The following TENM3 variants were observed in gnomAD, a reference collection of about 807,000 sequenced individuals.
TENM3 encodes the protein teneurin transmembrane protein 3.
A neutral mutation model predicts 255.1 loss-of-function variants in TENM3; 63 were observed. The ratio of observed to expected loss-of-function variants is 0.25; its 90% CI spans 0.20 to 0.30. The LOEUF is 0.30. TENM3 is among the 10% of genes least tolerant of loss of function. The probability of loss-of-function intolerance (pLI) is 1.00; values close to 1 mark genes in which losing one functional copy is unlikely to be tolerated. For synonymous variants in TENM3, 1,306 were observed against 1,322.3 expected (o/e 0.99, Z 0.27); for missense variants, 2,929 against 3,461.1 (o/e 0.85, Z 3.86).
At chr4:181,546,664 A>C in the TENM3 span, among the ~76,000 whole-genome samples, 59 of 141,976 alleles carry the variant, frequency 4.2e-4, 2 homozygotes, top group Non-Finnish European at 8.5e-4. Flanking sequence ...CAGCGAGCCG[A>C]GATCGCGCCA....
At chr4:181,883,181 C>T in the TENM3 span, among the ~76,000 whole-genome samples, 3 of 123,218 alleles carry the variant, frequency 2.4e-5, no homozygotes, top group East Asian at 2.2e-4. Context: ...TTTGAAATGA[C>T]GGGTAAAAAA....
chr4:182,579,540 G>T (rs1027788472), intron 3 of TENM3, among the ~76,000 whole-genome samples: 1 of 152,158 alleles, frequency 6.6e-6, no homozygotes, highest in Admixed American at 6.5e-5. Flanking sequence ...CTTGGATTGG[G>T]CAGAGAGTAT....
chr4:181,713,021 G>A, the TENM3 span, among the ~76,000 whole-genome samples: 1 of 152,260 alleles, frequency 6.6e-6, no homozygotes, highest in Non-Finnish European at 1.5e-5. Context: ...ACATTCACAG[G>A]TAAAAAAGGA....
the TENM3 span, among the ~76,000 whole-genome samples, chr4:181,812,252 C>T: frequency 2.0e-5 from 3 of 152,158 alleles, no homozygotes; most frequent in African/African-American, 4.8e-5. Context: ...CCAATATCCT[C>T]GAGTAACACT....
the TENM3 span, among the ~76,000 whole-genome samples, chr4:181,724,415 A>C: frequency 6.6e-6 from 1 of 151,558 alleles, no homozygotes; most frequent in African/African-American, 2.4e-5. Flanking sequence ...CTATCTTCCA[A>C]CTCAAATTAT....
chr4:182,280,074 T>G (rs994128709), intron 1 of TENM3, among the ~76,000 whole-genome samples: 2 of 152,164 alleles, frequency 1.3e-5, no homozygotes, highest in Non-Finnish European at 2.9e-5. Flanking sequence ...AGTGTCCTTT[T>G]CATCACCAGG....
intron 19 of TENM3, 53 bp downstream of exon 19, chr4:182,743,472 A>C: frequency 1.9e-6 from 3 of 1,586,734 alleles, no homozygotes; most frequent in Non-Finnish European, 2.6e-6. Flanking sequence ...TGCCTCTTTA[A>C]AAAAAAGGTT....
At chr4:182,703,790 G>C (rs1478217650) in intron 12 of TENM3, among the ~76,000 whole-genome samples, 1 of 152,152 alleles carries the variant, frequency 6.6e-6, no homozygotes, top group East Asian at 1.9e-4. Flanking sequence ...ATACGTAAAA[G>C]TGTTAGTCTA....
chr4:182,020,980 G>A, the TENM3 span, among the ~76,000 whole-genome samples: 3 of 151,572 alleles, frequency 2.0e-5, no homozygotes, highest in African/African-American at 7.3e-5. Context: ...GAGTACATCT[G>A]CAGGTTTGTT....
chr4:182,454,419 G>A (rs1056094613), intron 3 of TENM3, among the ~76,000 whole-genome samples: 1 of 152,078 alleles, frequency 6.6e-6, no homozygotes, highest in Non-Finnish European at 1.5e-5. Context: ...AGGTGATCAG[G>A]TTAGCTAACC....
intron 1 of TENM3, among the ~76,000 whole-genome samples, chr4:182,227,542 C>A (rs1042502008): frequency 6.6e-6 from 1 of 152,054 alleles, no homozygotes; most frequent in Non-Finnish European, 1.5e-5. Flanking sequence ...TTACTCTCAG[C>A]ACATGGTTTA....
the TENM3 span, among the ~76,000 whole-genome samples, chr4:181,772,227 A>G: frequency 6.6e-6 from 1 of 151,782 alleles, no homozygotes; most frequent in Non-Finnish European, 1.5e-5. Flanking sequence ...AAAATACAAA[A>G]ATTAGCTGGG....
the TENM3 span, among the ~76,000 whole-genome samples, chr4:182,104,099 C>T: frequency 2.6e-5 from 4 of 152,118 alleles, no homozygotes; most frequent in African/African-American, 4.8e-5. Flanking sequence ...GTGTAATATA[C>T]GGTGGTGTAA....
intron 3 of TENM3, among the ~76,000 whole-genome samples, chr4:182,473,332 C>T (rs1413194286): frequency 6.6e-6 from 1 of 152,148 alleles, no homozygotes; most frequent in Non-Finnish European, 1.5e-5. Context: ...ATAATCTGTA[C>T]ACACTTGATC....
the TENM3 span, among the ~76,000 whole-genome samples, chr4:181,582,501 G>T: frequency 6.6e-6 from 1 of 151,998 alleles, no homozygotes; most frequent in Non-Finnish European, 1.5e-5. Flanking sequence ...CCACGGTCTG[G>T]GAAGTAGTGG....
At chr4:181,821,719 T>C in the TENM3 span, 16 of 152,206 alleles carry the variant, frequency 1.1e-4, no homozygotes, top group Non-Finnish European at 2.1e-4. Context: ...CTTGAGGGTC[T>C]ACTATGTGTA....
the TENM3 span, among the ~76,000 whole-genome samples, chr4:181,449,594 G>C: frequency 6.6e-6 from 1 of 152,086 alleles, no homozygotes; most frequent in Non-Finnish European, 1.5e-5. Flanking sequence ...GACCAGCCTG[G>C]CCAATGTAGT....
chr4:182,020,630 A>G, the TENM3 span, among the ~76,000 whole-genome samples: 1 of 152,204 alleles, frequency 6.6e-6, no homozygotes, highest in Non-Finnish European at 1.5e-5. Flanking sequence ...TATACATTAT[A>G]TATATTGCAA....
At chr4:181,602,143 T>C in the TENM3 span, among the ~76,000 whole-genome samples, 1 of 152,150 alleles carries the variant, frequency 6.6e-6, no homozygotes, top group Non-Finnish European at 1.5e-5. Context: ...CAACTAAAAC[T>C]AAACAATATC....
Sources: allele counts gnomAD v4.1 joint callset (sites outside exome capture counted in the v4.1 genomes callset), GRCh38; gene constraint gnomAD v4.1.1; transcripts MANE v1.5; gene names NCBI Gene and HGNC (gene_info 2026-07-23, HGNC 2026-07-21).